TMEM272: variants seen among roughly 807,000 people sequenced by gnomAD.
TMEM272 encodes long intergenic non-protein coding RNA 282.
Under a neutral mutation model 3.7 loss-of-function variants are expected in TMEM272, and 8 were observed. The ratio of observed to expected loss-of-function variants is 2.17; its 90% CI spans 1.27 to 3.91. TMEM272 has a LOEUF of 3.91. Among genes scored for constraint, TMEM272 ranks in the 30% most tolerant of loss-of-function variants. TMEM272 has a pLI of 0.00. For synonymous variants in TMEM272, 63 were observed against 39.8 expected (o/e 1.58, Z -2.20); for missense variants, 166 against 91.5 (o/e 1.81, Z -3.32).
chr13:51,907,598 A>C, the TMEM272 span, among the ~76,000 whole-genome samples: 1 of 152,054 alleles, frequency 6.6e-6, no homozygotes, highest in Non-Finnish European at 1.5e-5. Context: ...ACCTTGCCTC[A>C]CTCATTCCTT....
chr13:51,829,446 GA>G, intron 2 of TMEM272, among the ~76,000 whole-genome samples: 1 of 152,306 alleles, frequency 6.6e-6, no homozygotes, highest in Middle Eastern at 3.4e-3. Context: ...GGTCATGAGT[GA>G]CACAGTGCTG....
At chr13:51,865,947 C>A in the TMEM272 span, 1 of 1,614,122 alleles carries the variant, frequency 6.2e-7, no homozygotes, top group Non-Finnish European at 8.5e-7. Flanking sequence ...GAAGAGAATG[C>A]CCTCTGGGAG....
chr13:51,825,519 G>A (rs755422495), intron 3 of TMEM272, among the ~76,000 whole-genome samples: 8 of 152,050 alleles, frequency 5.3e-5, no homozygotes, highest in Non-Finnish European at 1.0e-4. Flanking sequence ...GGTACTGGGT[G>A]TTTCGTTGTT....
chr13:51,876,642 G>C, the TMEM272 span, among the ~76,000 whole-genome samples: 1 of 152,174 alleles, frequency 6.6e-6, no homozygotes, highest in Non-Finnish European at 1.5e-5. Context: ...TGATGTTTTT[G>C]GGAGCAATGG....
intron 2 of TMEM272, among the ~76,000 whole-genome samples, chr13:51,834,491 G>T (rs937519160): frequency 6.6e-6 from 1 of 152,184 alleles, no homozygotes; most frequent in Admixed American, 6.5e-5. Context: ...TAAAGAGGAA[G>T]AAGTTTTGAA....
the TMEM272 span, among the ~76,000 whole-genome samples, chr13:51,889,835 T>A: frequency 7.4e-3 from 1,119 of 152,242 alleles, 24 homozygotes; most frequent in African/African-American, 0.025. Context: ...GAGACAAGGT[T>A]TCTCCATGTT....
At chr13:51,930,154 T>C in the TMEM272 span, among the ~76,000 whole-genome samples, 1 of 151,732 alleles carries the variant, frequency 6.6e-6, no homozygotes, top group Non-Finnish European at 1.5e-5. Context: ...TATATTTCTA[T>C]ATGCTTAATT....
the TMEM272 span, among the ~76,000 whole-genome samples, chr13:51,852,598 G>A: frequency 2.2e-4 from 34 of 152,302 alleles, no homozygotes; most frequent in Non-Finnish European, 4.3e-4. Flanking sequence ...GTTGACCCGC[G>A]GCCGGGCGCG....
At chr13:51,931,231 A>G in the TMEM272 span, among the ~76,000 whole-genome samples, 2 of 151,916 alleles carry the variant, frequency 1.3e-5, no homozygotes, top group Admixed American at 1.3e-4. Context: ...TCAATGATAG[A>G]CTGAAGAAAA....
chr13:51,892,294 G>A, the TMEM272 span, among the ~76,000 whole-genome samples: 2 of 152,174 alleles, frequency 1.3e-5, no homozygotes, highest in Non-Finnish European at 2.9e-5. Flanking sequence ...GCCTGGAAGT[G>A]GGAACATCTA....
chr13:51,880,619 T>TA, the TMEM272 span, among the ~76,000 whole-genome samples: 6 of 148,420 alleles, frequency 4.0e-5, no homozygotes, highest in South Asian at 1.1e-3. Flanking sequence ...TAAAATAAAA[T>TA]AAAAAAATTG....
chr13:51,852,483 T>C, the TMEM272 span, among the ~76,000 whole-genome samples: 1 of 152,246 alleles, frequency 6.6e-6, no homozygotes, highest in Non-Finnish European at 1.5e-5. Context: ...AACAGTTCTC[T>C]TCTTTCAATA....
At chr13:51,890,561 C>T in the TMEM272 span, among the ~76,000 whole-genome samples, 1 of 152,180 alleles carries the variant, frequency 6.6e-6, no homozygotes, top group Non-Finnish European at 1.5e-5. Flanking sequence ...CCAAATAAAC[C>T]TCTTTTCCTT....
At chr13:51,882,022 C>T in the TMEM272 span, among the ~76,000 whole-genome samples, 8 of 152,082 alleles carry the variant, frequency 5.3e-5, no homozygotes, top group Non-Finnish European at 1.0e-4. Context: ...TTAAAGACAA[C>T]GATAAAGAAA....
At chr13:51,855,427 GA>G in the TMEM272 span, among the ~76,000 whole-genome samples, 1 of 151,974 alleles carries the variant, frequency 6.6e-6, no homozygotes, top group Non-Finnish European at 1.5e-5. Flanking sequence ...AGCCGTATAA[GA>G]AAATAAGTTT....
chr13:51,908,746 A>T, the TMEM272 span: 1 of 1,466,150 alleles, frequency 6.8e-7, no homozygotes, highest in South Asian at 1.1e-5. Flanking sequence ...GCAGAATTAG[A>T]ATAAAATCTG....
At chr13:51,909,682 T>G in the TMEM272 span, 1 of 1,552,226 alleles carries the variant, frequency 6.4e-7, no homozygotes, top group Non-Finnish European at 8.9e-7. Context: ...ATCAGTTTCT[T>G]CAAAGCTCCT....
rs142737329 is a variant in TMEM272 at position 51,842,232 on chromosome 13, G to T, written c.-24+2784C>A. On this transcript the variant is annotated intron_variant, in intron 1 of 4. Coordinates refer to ENST00000629372, the MANE Select transcript of TMEM272 (RefSeq NM_001351003.2). ...AGGAATGTGCCGCAGGCAGGCGTGG[G>T]TAGTATTTTCATTTCCACTTTATAC... Among the ~76,000 whole-genome samples the T allele has an allele frequency of 3.7e-3, 567 of 152,342 alleles. 2 individuals carry two copies. Among genetic ancestry groups the T allele is most frequent in the African/African-American group, 0.013 (553 of 41,564 alleles).
the TMEM272 span, chr13:51,934,199 G>T: frequency 5.3e-6 from 1 of 187,710 alleles, no homozygotes; most frequent in Non-Finnish European, 1.1e-5. Context: ...GGTTGCGAGG[G>T]GTCCCCACTG....
Sources: gnomAD v4.1 joint callset for allele counts (sites outside exome capture counted in the v4.1 genomes callset) on GRCh38, gnomAD v4.1.1 for gene constraint, MANE v1.5 for transcripts, NCBI Gene and HGNC (gene_info 2026-07-23, HGNC 2026-07-21) for gene names.